The following MTSS2 variants were observed in gnomAD, a reference collection of about 807,000 sequenced individuals.
The protein encoded by MTSS2 is MTSS I-BAR domain containing 2, also known as protein MTSS 2.
A neutral mutation model predicts 67.1 loss-of-function variants in MTSS2; 27 were observed. The observed-to-expected ratio is 0.40, with a 90% CI of 0.30 to 0.55. The LOEUF (loss-of-function observed/expected upper bound fraction) is 0.55, where lower values mean the gene tolerates loss of function less well. MTSS2 is among the 20% of genes least tolerant of loss of function. The pLI is 0.43. For synonymous variants in MTSS2, 624 were observed against 468.6 expected, an observed-to-expected ratio of 1.33 and a Z score of -4.28; for missense variants, 1,171 against 1,067.8, an observed-to-expected ratio of 1.10 and a Z score of -1.35.
At chr16:70,670,905 G>A (rs567291334) in intron 11 of MTSS2, among the ~76,000 whole-genome samples, 1 of 143,994 alleles carries the variant, frequency 6.9e-6, no homozygotes, top group East Asian at 2.2e-4. Context: ...AGGAGTTTGA[G>A]ACTGCACTGA....
chr16:70,679,075 G>T (rs1230259108), intron 7 of MTSS2, among the ~76,000 whole-genome samples: 1 of 152,112 alleles, frequency 6.6e-6, no homozygotes, highest in Non-Finnish European at 1.5e-5. Flanking sequence ...CCCCCATCCC[G>T]CCCTGGCCAA....
Position 70,664,351 on chromosome 16 carries a change from C to T in MTSS2, c.1570G>A (p.Ala524Thr), listed in dbSNP as rs769966650. 5.0e-6 allele frequency: 8 copies of T among 1,596,788 alleles called. No individual in the cohort carries two copies. Among genetic ancestry groups the T allele is most frequent in the East Asian group, 4.5e-5 (2 of 44,788 alleles). ...TGGATCAGGCGGCGGTAGTTCTGGG[C>T]GATGTTGCTGTTGCGCGGGATGGTG... ...SSTIPRNSNI[A>T]QNYRRLIQTK... is the part of the protein sequence containing the mutation. Residue 524 changes from alanine to threonine, a missense_variant, in exon 15 of 15, where the codon GCC (alanine) becomes ACC (threonine). Coordinates refer to ENST00000338779, the MANE Select transcript of MTSS2 (RefSeq NM_138383.3).
chr16:70,665,582 C>G, intron 11 of MTSS2, 42 bp from the exon 12 acceptor site: 1 of 1,511,798 alleles, frequency 6.6e-7, no homozygotes, highest in Non-Finnish European at 8.9e-7. Context: ...ACAGAGGGGC[C>G]GGCAGGCAGC....
At chr16:70,669,586 C>T (rs573356496) in intron 11 of MTSS2, among the ~76,000 whole-genome samples, 158 of 150,454 alleles carry the variant, frequency 1.1e-3, no homozygotes, top group Admixed American at 2.2e-3. Context: ...GAGGCCAAGG[C>T]GGGCGGATTA....
chr16:70,678,324 C>T lies in MTSS2; in HGVS notation c.552G>A (p.Gln184=). Residue 184 remains glutamine (Q), a synonymous_variant, in exon 8 of 15, where the codon CAG becomes CAA. Transcript: ENST00000338779. The part of the protein sequence containing the change: ...MYLLLEETEK[Q]AVRRALIEER... ...CCTCGATCAGCGCCCGGCGCACGGCCTGCTTCTCCGTCTCCTCCAGCAGCA... is the reference window on the plus strand; with the variant it reads ...CCTCGATCAGCGCCCGGCGCACGGCTTGCTTCTCCGTCTCCTCCAGCAGCA... The T allele has an allele frequency of 6.2e-7, 1 of 1,612,868 alleles. No individual in the cohort carries two copies. The highest frequency in any genetic ancestry group is 8.5e-7 in the Non-Finnish European group (1 of 1,179,994).
intron 12 of MTSS2, 136 bp from the exon 13 acceptor site, chr16:70,665,232 G>A (rs745371513): frequency 5.7e-5 from 62 of 1,086,906 alleles, no homozygotes; most frequent in South Asian, 2.6e-4. Flanking sequence ...GCCAAGGGCA[G>A]AGCATGGAGT....
chr16:70,666,000 G>GCTACT (rs2052701466), intron 11 of MTSS2, among the ~76,000 whole-genome samples: 1 of 152,178 alleles, frequency 6.6e-6, no homozygotes, highest in Non-Finnish European at 1.5e-5. Flanking sequence ...TGCAATGAGG[G>GCTACT]CCGTCGTATT....
At chr16:70,674,279 T>C in intron 11 of MTSS2, 27 bp downstream of exon 11, 1 of 1,604,016 alleles carries the variant, frequency 6.2e-7, no homozygotes, top group Non-Finnish European at 8.5e-7. Flanking sequence ...CACCCCACCC[T>C]GACTGATCCT....
chr16:70,664,199 C>A lies in MTSS2; in HGVS notation c.1722G>T (p.Val574=), dbSNP rs2052606102. 1 of 1,595,042 alleles carries A rather than the reference C, an allele frequency of 6.3e-7. No homozygotes were observed. Among genetic ancestry groups the A allele is most frequent in the African/African-American group, 1.3e-5 (1 of 74,806 alleles). Residue 574 remains valine, a synonymous_variant, in exon 15 of 15, where the codon GTG becomes GTT. Transcript: ENST00000338779. The part of the protein sequence containing the change: ...IRRTPSTKPT[V]RRALSSAGPI... ...GGCCAGCGCTGGACAGGGCGCGGCG[C>A]ACGGTGGGCTTGGTGGAGGGTGTGC...
At position 70,677,849 on chromosome 16, in the gene MTSS2, G is replaced by C; in HGVS notation, c.675C>G (p.Ile225Met). 6.2e-7 allele frequency: 1 copy of C among 1,612,622 alleles called. No individual in the cohort carries two copies. Among genetic ancestry groups the C allele is most frequent in the Non-Finnish European group, 8.5e-7 (1 of 1,179,676 alleles). ...CTGCTGTCAGCACCACCAAGTCGTC[G>C]ATGATGCCCTGCAGGTGGGTGATCT... Reference protein sequence around the residue: ...LGEITHLQGIIDDLVVLTAEP... With the variant: ...LGEITHLQGIMDDLVVLTAEP... Residue 225 changes from isoleucine (I) to methionine (M), a missense_variant, in exon 9 of 15, where the codon ATC becomes ATG. Ile to Met is a conservative substitution (Grantham distance 10, BLOSUM62 1). This residue lies in a region of MTSS2 where 247 missense variants were observed against 311.8 expected (regional missense o/e 0.79). Transcript: ENST00000338779.
intron 1 of MTSS2, 107 bp downstream of exon 1, chr16:70,685,616 A>G (rs2053430079): frequency 1.1e-5 from 7 of 616,562 alleles, no homozygotes; most frequent in Non-Finnish European, 1.3e-5. Context: ...AAGGACACAC[A>G]GACACCGCGG....
intron 6 of MTSS2, 38 bp downstream of exon 6, chr16:70,679,592 C>A: frequency 1.3e-6 from 2 of 1,560,740 alleles, no homozygotes; most frequent in Admixed American, 1.9e-5. Context: ...TGGAGCGGGG[C>A]CGTGGGGCTG....
rs2052568815 is a variant in MTSS2 at position 70,663,490 on chromosome 16, G to A, written c.*187C>T. ...GGCCTGCAGGCTCCGTCCTGGCCAG[G>A]CTTGCTAAGAAGTCACTTCCTGTTT... On this transcript the variant is annotated 3_prime_UTR_variant, in exon 15 of 15. Coordinates refer to ENST00000338779, the MANE Select transcript of MTSS2 (RefSeq NM_138383.3). 3 of 1,167,980 alleles carry A rather than the reference G, an allele frequency of 2.6e-6. No individual in the cohort carries two copies. Among genetic ancestry groups the A allele is most frequent in the Middle Eastern group, 2.9e-4 (1 of 3,406 alleles). 72.4% of individuals were successfully genotyped at this position (1,167,980 alleles called of 1,614,324 possible). A position where few individuals can be genotyped will look rare whatever the true frequency, so the allele number is the denominator to read the frequency against.
chr16:70,665,977 G>A (rs1259101328), intron 11 of MTSS2: 1 of 164,048 alleles, frequency 6.1e-6, no homozygotes, highest in African/African-American at 2.4e-5. Context: ...TGCCTCTGAG[G>A]TCTCTGCATG....
In MTSS2 at chr16:70,677,822, T is replaced by C; in HGVS notation, c.702A>G (p.Glu234=). Reference sequence around the variant, plus strand: ...CGCTGGCGGGAGGCAGTTTGTGGGGTTCTGCTGTCAGCACCACCAAGTCGT... The same window carrying C: ...CGCTGGCGGGAGGCAGTTTGTGGGGCTCTGCTGTCAGCACCACCAAGTCGT... ...IIDDLVVLTA[E]PHKLPPASEQ... Residue 234 remains glutamate (E), a synonymous_variant, in exon 9 of 15, where the codon GAA becomes GAG. Transcript: ENST00000338779. The C allele has an allele frequency of 6.2e-7, 1 of 1,611,402 alleles. No homozygotes were observed. The highest frequency in any genetic ancestry group is 8.5e-7 in the Non-Finnish European group (1 of 1,179,266).
At chr16:70,668,337 G>A (rs572046460) in intron 11 of MTSS2, among the ~76,000 whole-genome samples, 1 of 151,796 alleles carries the variant, frequency 6.6e-6, no homozygotes, top group South Asian at 2.1e-4. Context: ...TAAGCCTGGG[G>A]ACAGAGGTTG....
rs760676381 is a variant in MTSS2 at position 70,662,333 on chromosome 16, A to T, written c.*1344T>A. 1.3e-5 allele frequency: 2 copies of T among 152,258 alleles called. No homozygotes were observed. The highest frequency in any genetic ancestry group is 2.4e-5 in the African/African-American group (1 of 41,436). 9.4% of individuals were successfully genotyped at this position (152,258 alleles called of 1,614,324 possible). Reference sequence around the variant, plus strand: ...GACTCCCTCCGCTCGCCCTAGGCTCACGTGCTTTTACCTGCTGAGACTTGG... The same window carrying T: ...GACTCCCTCCGCTCGCCCTAGGCTCTCGTGCTTTTACCTGCTGAGACTTGG... On this transcript the variant is annotated 3_prime_UTR_variant, in exon 15 of 15. Coordinates refer to ENST00000338779, the MANE Select transcript of MTSS2 (RefSeq NM_138383.3).
chr16:70,677,778 G>A lies in MTSS2; in HGVS notation c.732+14C>T. ...TGCCCCTGGCCCTGGCCCTTGGCCAGAGGGCTCCCGCACCTGCTCGCTGGC... is the reference window on the plus strand; with the variant it reads ...TGCCCCTGGCCCTGGCCCTTGGCCAAAGGGCTCCCGCACCTGCTCGCTGGC... On this transcript the variant is annotated intron_variant, in intron 9 of 14. Transcript: ENST00000338779. The A allele has an allele frequency of 6.3e-7, 1 of 1,598,114 alleles. No homozygotes were observed. The highest frequency in any genetic ancestry group is 1.3e-5 in the African/African-American group (1 of 74,972).
chr16:70,667,520 A>G (rs926034802), intron 11 of MTSS2, among the ~76,000 whole-genome samples: 1 of 152,186 alleles, frequency 6.6e-6, no homozygotes, highest in Non-Finnish European at 1.5e-5. Context: ...TAACATCAAT[A>G]AACACTAAAT....
Sources: gnomAD v4.1 joint callset for allele counts (sites outside exome capture counted in the v4.1 genomes callset) on GRCh38, gnomAD v4.1.1 for gene constraint, gnomAD v4.1.1 regional missense constraint, MANE v1.5 for transcripts, NCBI Gene and HGNC (gene_info 2026-07-23, HGNC 2026-07-21) for gene names.